Variants in BTK observed in about 807,000 individuals in gnomAD.
The protein encoded by BTK is tyrosine-protein kinase BTK.
In BTK, 5 loss-of-function variants were observed where a neutral mutation model predicts 57.4. That is an observed-to-expected ratio of 0.09 (90% CI 0.05 to 0.18). The LOEUF (loss-of-function observed/expected upper bound fraction) is 0.18. Among genes scored for constraint, BTK ranks in the 10% least tolerant of loss-of-function variants. The pLI, the probability that BTK is intolerant of heterozygous loss-of-function variation, is 1.00. For synonymous variants in BTK, 154 were observed against 174.3 expected, an observed-to-expected ratio of 0.88 and a Z score of 0.92; for missense variants, 194 against 501.2, an observed-to-expected ratio of 0.39 and a Z score of 5.85.
chrX:101,374,417 A>G, intron 3 of BTK, 119 bp downstream of exon 3: 1 of 608,213 alleles, frequency 1.6e-6, no homozygotes, highest in South Asian at 2.3e-5. Flanking sequence ...AGAATTTTTA[A>G]AGGAAACTTG....
intron 1 of BTK, among the ~76,000 whole-genome samples, chrX:101,379,193 GA>G (rs1927328036): frequency 9.7e-6 from 1 of 102,970 alleles, no homozygotes; most frequent in Non-Finnish European, 2.0e-5. Context: ...AAAAAAAAAA[GA>G]AGAAGAATAC....
upstream of BTK, among the ~76,000 whole-genome samples, chrX:101,389,181 G>A (rs1286241073): frequency 1.8e-5 from 2 of 111,970 alleles, no homozygotes; most frequent in African/African-American, 6.5e-5. Flanking sequence ...CAATTTGACT[G>A]TGGTAATCAT....
chrX:101,359,333 T>G lies in BTK; in HGVS notation c.854A>C (p.His285Pro), dbSNP rs782095364. The change falls in exon 10 of 19, where the codon CAC becomes CCC. Residue 285 changes from histidine (H) to proline (P), a missense_variant. By Grantham distance (77) the His-to-Pro change is moderately conservative. Coordinates refer to ENST00000308731, the MANE Select transcript of BTK (RefSeq NM_000061.3). The stretch of plus-strand genomic sequence containing the variant: ...TTGCTCAGCCTGACTCCGAGTCATG[T>G]GTTTGGAATACCACCTGTGAAGGGA... The part of the protein sequence containing the change: ...SIEMYEWYSK[H>P]MTRSQAEQLL... The G allele has an allele frequency of 8.3e-7, 1 of 1,211,510 alleles. No homozygotes were observed. The highest frequency in any genetic ancestry group is 2.2e-5 in the Admixed American group (1 of 45,994).
chrX:101,375,617 A>C (rs1927186675), intron 1 of BTK, among the ~76,000 whole-genome samples: 1 of 112,532 alleles, frequency 8.9e-6, no homozygotes, highest in Non-Finnish European at 1.9e-5. Context: ...TAAGGTGTAG[A>C]GGTAGCTTTA....
At chrX:101,363,887 CATTATTATTATTATTATTATT>C (rs72240121) in intron 5 of BTK, among the ~76,000 whole-genome samples, 101 of 81,816 alleles carry the variant, frequency 1.2e-3, no homozygotes, top group South Asian at 1.8e-3. Context: ...GAATCCCGCA[CATTATTATTATTATTATTATT>C]ATTATTATTA....
chrX:101,382,311 TTTTATTTA>T (rs781942193), intron 1 of BTK, among the ~76,000 whole-genome samples: 3 of 104,425 alleles, frequency 2.9e-5, no homozygotes, highest in South Asian at 4.4e-4. Flanking sequence ...GCAGTTCATG[TTTTATTTA>T]TTTATTTATT....
intron 14 of BTK, 44 bp from the exon 15 acceptor site, chrX:101,356,312 A>T (rs1555977859): frequency 9.0e-7 from 1 of 1,107,750 alleles, no homozygotes; most frequent in African/African-American, 1.8e-5. Flanking sequence ...TTGGCTCTGC[A>T]TAATAGCAAT....
intron 5 of BTK, 154 bp from the exon 6 acceptor site, chrX:101,362,843 A>C: frequency 1.3e-6 from 1 of 741,352 alleles, no homozygotes; most frequent in Non-Finnish European, 2.1e-6. Context: ...GTTGGCTCAC[A>C]TGACTGGCCT....
At chrX:101,390,436 A>G, upstream of BTK, 2 of 511,773 alleles carry the variant, frequency 3.9e-6, no homozygotes, top group East Asian at 3.6e-5. Flanking sequence ...CAAAGTACTT[A>G]GTTCATAATT....
intron 4 of BTK, among the ~76,000 whole-genome samples, chrX:101,370,399 C>A (rs1926988191): frequency 1.8e-5 from 2 of 111,592 alleles, no homozygotes; most frequent in South Asian, 7.5e-4. Context: ...TTTTGTTTAT[C>A]CAACAAAGGG....
At chrX:101,367,705 G>T (rs185264259) in intron 5 of BTK, among the ~76,000 whole-genome samples, 319 of 110,823 alleles carry the variant, frequency 2.9e-3, no homozygotes, top group Middle Eastern at 0.014. Context: ...ACTAAACTAT[G>T]ACTGGTTTTG....
intron 16 of BTK, 98 bp from the exon 17 acceptor site, chrX:101,354,086 G>A: frequency 1.6e-6 from 1 of 636,816 alleles, no homozygotes; most frequent in Non-Finnish European, 2.6e-6. Flanking sequence ...AACACACACA[G>A]GCTTTCTCAA....
intron 9 of BTK, 146 bp from the exon 10 acceptor site, chrX:101,359,493 G>A: frequency 3.3e-6 from 2 of 608,235 alleles, no homozygotes; most frequent in Non-Finnish European, 5.6e-6. Flanking sequence ...ATAGCACACT[G>A]TATCCCTTTC....
chrX:101,369,891 C>T (rs888727847), intron 5 of BTK, 107 bp downstream of exon 5: 3 of 758,559 alleles, frequency 4.0e-6, no homozygotes, highest in Non-Finnish European at 5.8e-6. Flanking sequence ...TCTCCTTTCT[C>T]TTTCTTTCTC....
intron 5 of BTK, among the ~76,000 whole-genome samples, chrX:101,367,252 A>AAG (rs1555979579): frequency 9.2e-6 from 1 of 108,716 alleles, no homozygotes; most frequent in African/African-American, 3.4e-5. Context: ...TCAAGAAAAA[A>AAG]AAAAAAGAAA....
At chrX:101,361,692 G>C (rs1926677625) in intron 7 of BTK, among the ~76,000 whole-genome samples, 1 of 110,917 alleles carries the variant, frequency 9.0e-6, no homozygotes, top group Non-Finnish European at 1.9e-5. Context: ...AGGCGGGTTC[G>C]AGACCAGCCT....
In BTK at chrX:101,360,670, T is replaced by C; in HGVS notation, c.674A>G (p.Tyr225Cys). Residue 225 changes from tyrosine (Y) to cysteine (C), a missense_variant, in exon 8 of 19, where the codon TAC becomes TGC. Physicochemically the swap from Tyr to Cys is radical, Grantham distance 194. Transcript: ENST00000308731. ...ELKKVVALYD[Y>C]MPMNANDLQL... Reference sequence around the variant, plus strand: ...TAGATCATTTGCATTCATTGGCATGTAATCATAAAGGGCCACAACCTTTTT... The same window carrying C: ...TAGATCATTTGCATTCATTGGCATGCAATCATAAAGGGCCACAACCTTTTT... 8.3e-7 allele frequency: 1 copy of C among 1,211,571 alleles called. No homozygotes were observed. The highest frequency in any genetic ancestry group is 1.1e-6 in the Non-Finnish European group (1 of 895,392).
intron 18 of BTK, among the ~76,000 whole-genome samples, chrX:101,352,453 T>C (rs1320953875): frequency 9.0e-6 from 1 of 111,604 alleles, no homozygotes; most frequent in Non-Finnish European, 1.9e-5. Context: ...GATGATCAAG[T>C]TGCAGGCCAA....
chrX:101,379,855 G>T (rs1200767321), intron 1 of BTK, among the ~76,000 whole-genome samples: 3 of 111,969 alleles, frequency 2.7e-5, no homozygotes, highest in African/African-American at 6.5e-5. Flanking sequence ...TCTGTCTCTG[G>T]TAACTGTCAA....
Sources: gnomAD v4.1 joint callset for allele counts (sites outside exome capture counted in the v4.1 genomes callset) on GRCh38, gnomAD v4.1.1 for gene constraint, MANE v1.5 for transcripts, NCBI Gene and HGNC (gene_info 2026-07-23, HGNC 2026-07-21) for gene names.